LRRN4: variants seen among roughly 807,000 people sequenced by gnomAD.
LRRN4 encodes leucine-rich repeat neuronal protein 4.
Under a neutral mutation model 22.3 loss-of-function variants are expected in LRRN4, and 26 were observed. The observed-to-expected ratio is 1.16, with a 90% confidence interval of 0.85 to 1.62. LRRN4 has a LOEUF of 1.62. LRRN4 is among the 40% of genes most tolerant of loss of function. The pLI is 0.00. For missense variants in LRRN4, 1,070 were observed against 1,008.5 expected (o/e 1.06, Z -0.83); for synonymous variants, 496 against 486.2 (o/e 1.02, Z -0.26).
chr20:6,041,321 A>T lies in LRRN4; in HGVS notation c.1924T>A (p.Ser642Thr). ...CACACGCGGTAGGTGGTGCCCGGCG[A>T]CAGCCCGTACAGAGGGTGCTGCCGG... ...TARQHPLYGL[S>T]PGTTYRVCVL... The change falls in exon 5 of 5, where the codon TCG becomes ACG. Residue 642 changes from serine to threonine, a missense_variant. Coordinates refer to ENST00000378858, the MANE Select transcript of LRRN4 (RefSeq NM_152611.5). This position sits in a 1 kb window ranked among gnomAD's most constrained non-coding sequence, Gnocchi z 9.4. The T allele has an allele frequency of 1.9e-6, 3 of 1,596,940 alleles. No individual in the cohort carries two copies. In the South Asian group the frequency reaches 3.3e-5, roughly 18 times the overall value.
Position 6,041,040 on chromosome 20 carries a change from C to A in LRRN4, c.2205G>T (p.Gly735=). 1 of 1,613,966 alleles carries A rather than the reference C, an allele frequency of 6.2e-7. No homozygotes were observed. The highest frequency in any genetic ancestry group is 1.6e-4 in the Middle Eastern group (1 of 6,062). The change falls in exon 5 of 5, where the codon GGG becomes GGT. Residue 735 remains glycine, a synonymous_variant. Transcript: ENST00000378858. This position sits in a 1 kb window ranked among gnomAD's most constrained non-coding sequence, Gnocchi z 9.4. ...KNPAFDDYPL[G]LQTVS ...AGCTGGGCTAACTGACGGTCTGGAGCCCCAGCGGGTAATCATCAAAGGCCG... is the reference window on the plus strand; with the variant it reads ...AGCTGGGCTAACTGACGGTCTGGAGACCCAGCGGGTAATCATCAAAGGCCG...
intron 2 of LRRN4, 51 bp from the exon 3 acceptor site, chr20:6,051,034 G>A (rs1981231707): frequency 6.5e-7 from 1 of 1,543,570 alleles, no homozygotes; most frequent in African/African-American, 1.4e-5. Context: ...ACAAACCCAG[G>A]AGGCCAGCAC....
In LRRN4 at chr20:6,041,693, C is replaced by T. The variant is rs1271817263; in HGVS notation, c.1552G>A (p.Glu518Lys). The stretch of plus-strand genomic sequence containing the variant: ...TCGTCCAGCAGCAAGACTGGAATCT[C>T]GCCCTCGGAAAGACTCGGGTTGGGG... ...QAPNPSLSEG[E>K]IPVLLLDDYS... The change falls in exon 5 of 5, where the codon GAG becomes AAG. Residue 518 changes from glutamate to lysine, a missense_variant. By Grantham distance (56) the Glu-to-Lys change is moderately conservative. Coordinates refer to ENST00000378858, the MANE Select transcript of LRRN4 (RefSeq NM_152611.5). This position sits in a 1 kb window ranked among gnomAD's most constrained non-coding sequence, Gnocchi z 9.4. 8.7e-6 allele frequency: 14 copies of T among 1,613,084 alleles called. No homozygotes were observed. The highest frequency in any genetic ancestry group is 1.0e-5 in the Non-Finnish European group (12 of 1,179,342).
Position 6,041,992 on chromosome 20 carries a change from G to T in LRRN4, c.1253C>A (p.Ala418Asp), listed in dbSNP as rs368305203. 1.2e-6 allele frequency: 2 copies of T among 1,613,974 alleles called. No individual in the cohort carries two copies. The highest frequency in any genetic ancestry group is 1.1e-5 in the South Asian group (1 of 91,078). ...CCGTGCATCGCTGTGCGGCCATGCA[G>T]CTATCGTGCGAGAGCCCACGTTAGG... Reference protein sequence around the residue: ...KAPNVGSRTIAAWPHSDAREG... With the variant: ...KAPNVGSRTIDAWPHSDAREG... The change falls in exon 5 of 5, where the codon GCT becomes GAT. Residue 418 changes from alanine to aspartate, a missense_variant. Coordinates refer to ENST00000378858, the MANE Select transcript of LRRN4 (RefSeq NM_152611.5). This position sits in a 1 kb window ranked among gnomAD's most constrained non-coding sequence, Gnocchi z 9.4.
In LRRN4 at chr20:6,052,231, A is replaced by T; in HGVS notation, c.569T>A (p.Ile190Asn). 1 of 1,574,964 alleles carries T rather than the reference A, an allele frequency of 6.3e-7. No homozygotes were observed. Among genetic ancestry groups the T allele is most frequent in the Non-Finnish European group, 8.6e-7 (1 of 1,161,160 alleles). Residue 190 changes from isoleucine (I) to asparagine (N), a missense_variant, in exon 2 of 5, where the codon ATC (isoleucine) becomes AAC (asparagine). Ile to Asn is a moderately radical substitution (Grantham distance 149, BLOSUM62 -3). Transcript: ENST00000378858. The part of the protein sequence containing the change: ...TALGRGAQGG[I>N]AEAAFAGEDG... ...CTCTCCAGCGAACGCCGCCTCGGCG[A>T]TGCCCCCCTGGGCTCCGCGACCCAG...
rs376196977 is a variant in LRRN4 at position 6,041,464 on chromosome 20, G to A, written c.1781C>T (p.Thr594Met). The change falls in exon 5 of 5, where the codon ACG (threonine) becomes ATG (methionine). Residue 594 changes from threonine to methionine, a missense_variant. Coordinates refer to ENST00000378858, the MANE Select transcript of LRRN4 (RefSeq NM_152611.5). This position sits in a 1 kb window ranked among gnomAD's most constrained non-coding sequence, Gnocchi z 9.4. ...RLQGVTETTDTSALVHWCAPN... is the reference protein window; with the variant it reads ...RLQGVTETTDMSALVHWCAPN... ...GGCACACCAGTGGACCAGCGCCGAC[G>A]TGTCCGTGGTCTCCGTCACCCCCTG... 8 of 1,555,034 alleles carry A rather than the reference G, an allele frequency of 5.1e-6. No individual in the cohort carries two copies. The highest frequency in any genetic ancestry group is 7.0e-6 in the Non-Finnish European group (8 of 1,149,126).
chr20:6,042,069 G>T lies in LRRN4; in HGVS notation c.1176C>A (p.Ser392Arg), dbSNP rs753295986. ...TYAQGTTVAP[S>R]AAPATRPAGD... ...CCGCAGGCCGGGTGGCGGGGGCTGC[G>T]CTGGGCGCGACGGTGGTACCCTGTG... Residue 392 changes from serine (S) to arginine (R), a missense_variant, in exon 5 of 5, where the codon AGC becomes AGA. Transcript: ENST00000378858. 5 of 1,613,928 alleles carry T rather than the reference G, an allele frequency of 3.1e-6. No individual in the cohort carries two copies. Among genetic ancestry groups the T allele is most frequent in the East Asian group, 2.2e-5 (1 of 44,886 alleles).
At chr20:6,051,731 T>TC (rs1981250448) in intron 2 of LRRN4, among the ~76,000 whole-genome samples, 2 of 152,274 alleles carry the variant, frequency 1.3e-5, no homozygotes, top group South Asian at 4.1e-4. Flanking sequence ...GCTCAGTTTT[T>TC]CCATTCATCA....
chr20:6,052,599 C>T lies in LRRN4; in HGVS notation c.201G>A (p.Glu67=), dbSNP rs1490748434. The change falls in exon 2 of 5, where the codon GAG becomes GAA. Residue 67 remains glutamate, a synonymous_variant. Coordinates refer to ENST00000378858, the MANE Select transcript of LRRN4 (RefSeq NM_152611.5). ...TALTLANRNL[E]RLPGCLPRTL... is the part of the protein sequence containing the mutation. The stretch of plus-strand genomic sequence containing the variant: ...TGCGCGGTAGGCAGCCGGGCAGGCG[C>T]TCCAGGTTGCGGTTCGCCAGGGTCA... 1 of 1,586,834 alleles carries T rather than the reference C, an allele frequency of 6.3e-7. No homozygotes were observed. The highest frequency in any genetic ancestry group is 1.1e-5 in the South Asian group (1 of 88,940).
At chr20:6,049,623 C>T (rs1197801278) in intron 3 of LRRN4, among the ~76,000 whole-genome samples, 1 of 152,162 alleles carries the variant, frequency 6.6e-6, no homozygotes, top group African/African-American at 2.4e-5. Context: ...GCCTCAGCTT[C>T]CCAAGTAGCT....
At position 6,052,401 on chromosome 20, in the gene LRRN4, C is replaced by G. The variant is rs761093296; in HGVS notation, c.399G>C (p.Gln133His). 38 of 1,532,216 alleles carry G rather than the reference C, an allele frequency of 2.5e-5. No homozygotes were observed. Among genetic ancestry groups the G allele is most frequent in the Non-Finnish European group, 2.5e-5 (29 of 1,149,220 alleles). 94.9% of individuals were successfully genotyped at this position (1,532,216 alleles called of 1,614,324 possible). Residue 133 changes from glutamine (Q) to histidine (H), a missense_variant, in exon 2 of 5, where the codon CAG becomes CAC. Coordinates refer to ENST00000378858, the MANE Select transcript of LRRN4 (RefSeq NM_152611.5). ...CGGTGCACGGCGGCAGAGCGGCCAG[C>G]TGGTTGTAGCTGAGGTCCAGGGTGT... ...GLHTLDLSYN[Q>H]LAALPPCTGP...
Position 6,050,990 on chromosome 20 carries a change from C to T in LRRN4, c.656-7G>A. 2 of 1,613,196 alleles carry T rather than the reference C, an allele frequency of 1.2e-6. No homozygotes were observed. Among genetic ancestry groups the T allele is most frequent in the Non-Finnish European group, 8.5e-7 (1 of 1,179,726 alleles). On this transcript the variant is annotated splice_polypyrimidine_tract_variant and splice_region_variant and intron_variant, in intron 2 of 4. Transcript: ENST00000378858. ...CTGATCCACCCTGACTCAACTGAAA[C>T]ACAGAAGGGAAACTGCCAACTACTC...
intron 3 of LRRN4, among the ~76,000 whole-genome samples, chr20:6,045,132 C>G (rs977355404): frequency 6.7e-6 from 1 of 148,494 alleles, no homozygotes; most frequent in Non-Finnish European, 1.5e-5. Flanking sequence ...CATGACTGAT[C>G]GTTGTATCAA....
intron 3 of LRRN4, among the ~76,000 whole-genome samples, chr20:6,049,200 A>T (rs1360033916): frequency 6.6e-6 from 1 of 152,114 alleles, no homozygotes; most frequent in Admixed American, 6.5e-5. Context: ...GCCTTTTGAG[A>T]TATGGACCAA....
rs752160379 is a variant in LRRN4, at chr20:6,044,625, TC to T, written c.915del (p.Ile306SerfsTer26). On this transcript the variant is annotated frameshift_variant, in exon 4 of 5. Coordinates refer to ENST00000378858, the MANE Select transcript of LRRN4 (RefSeq NM_152611.5). LOFTEE classifies it high-confidence loss of function. Reference sequence around the variant, plus strand: ...GTGAGGGGGTTGCCAAAGAGGTTGATCGATAGGACCTGGGAGGAATCCAGGG... The same window carrying T: ...GTGAGGGGGTTGCCAAAGAGGTTGATGATAGGACCTGGGAGGAATCCAGGG... The part of the protein sequence containing the change: ...PWTLDSSQVL[S>X]INLFGNPLTC... The T allele has an allele frequency of 2.5e-6, 4 of 1,597,064 alleles. No individual in the cohort carries two copies. Among genetic ancestry groups the T allele is most frequent in the Non-Finnish European group, 1.7e-6 (2 of 1,171,928 alleles).
Position 6,040,956 on chromosome 20 carries a change from A to T in LRRN4, c.*66T>A. On this transcript the variant is annotated 3_prime_UTR_variant, in exon 5 of 5. Coordinates refer to ENST00000378858, the MANE Select transcript of LRRN4 (RefSeq NM_152611.5). ...CTAGGAGCGGATGGGGTCGTTTTTG[A>T]CCGTCTGTGTCTTCCTTTTTGCGCT... 1,025 of 1,487,182 alleles carry T rather than the reference A, an allele frequency of 6.9e-4. No homozygotes were observed. Among genetic ancestry groups the T allele is most frequent in the East Asian group, 1.5e-3 (61 of 41,984 alleles). The allele number at this position is 1,487,182 out of a possible 1,614,324, so 92.1% of individuals were successfully genotyped here.
intron 2 of LRRN4, 144 bp downstream of exon 2, chr20:6,052,001 T>C (rs1692554494): frequency 2.0e-6 from 2 of 1,006,426 alleles, no homozygotes; most frequent in Non-Finnish European, 2.8e-6. Context: ...GCTCGAAAAA[T>C]GTAGCTGGTG....
intron 3 of LRRN4, among the ~76,000 whole-genome samples, chr20:6,047,359 A>C (rs935106934): frequency 3.3e-5 from 5 of 152,062 alleles, no homozygotes; most frequent in African/African-American, 1.2e-4. Context: ...AATCATTAAA[A>C]TGATGAAAGT....
At chr20:6,052,890 G>T in intron 1 of LRRN4, 86 bp from the exon 2 acceptor site, 1 of 1,343,864 alleles carries the variant, frequency 7.4e-7, no homozygotes, top group Non-Finnish European at 1.0e-6. Flanking sequence ...CTACCTCCAG[G>T]GCTCTGAGGA....
Sources: gnomAD v4.1 joint callset for allele counts (sites outside exome capture counted in the v4.1 genomes callset) on GRCh38, gnomAD v4.1.1 for gene constraint, Gnocchi (gnomAD v3.1) non-coding constraint, MANE v1.5 for transcripts, NCBI Gene and HGNC (gene_info 2026-07-23, HGNC 2026-07-21) for gene names.